SH3BP2: variants seen among roughly 807,000 people sequenced by gnomAD.
SH3BP2 encodes the protein SH3 domain binding protein 2.
SH3BP2 carries 38 observed loss-of-function variants against 56.2 expected under a neutral mutation model. The observed-to-expected ratio is 0.68, with a 90% CI of 0.52 to 0.89. SH3BP2 has a LOEUF of 0.89. SH3BP2 is among the 40% of genes least tolerant of loss of function. The probability of loss-of-function intolerance (pLI) is 0.00; values close to 1 mark genes in which losing one functional copy is unlikely to be tolerated. For missense variants in SH3BP2, 748 were observed against 762.6 expected (o/e 0.98, Z 0.23); for synonymous variants, 346 against 316.7 (o/e 1.09, Z -0.98).
chr4:2,818,426 C>G, intron 1 of SH3BP2: 2 of 1,124,244 alleles, frequency 1.8e-6, no homozygotes, highest in Non-Finnish European at 1.1e-6. Flanking sequence ...GCCCCGGGAC[C>G]CGGGCCGCGA....
chr4:2,825,511 C>A (rs1401561449), intron 5 of SH3BP2, among the ~76,000 whole-genome samples: 1 of 151,600 alleles, frequency 6.6e-6, no homozygotes, highest in Non-Finnish European at 1.5e-5. Context: ...GACATGCACA[C>A]ACACACAGCA....
At chr4:2,827,181 C>T in intron 5 of SH3BP2, 49 bp from the exon 6 acceptor site, 2 of 1,510,496 alleles carry the variant, frequency 1.3e-6, no homozygotes, top group Non-Finnish European at 1.8e-6. Flanking sequence ...ATCAAGGGAC[C>T]TCCCAGGCCT....
At chr4:2,822,216 T>C (rs1439377520) in intron 2 of SH3BP2, among the ~76,000 whole-genome samples, 2 of 148,732 alleles carry the variant, frequency 1.3e-5, no homozygotes, top group Non-Finnish European at 3.0e-5. Flanking sequence ...GTGCAGTGGG[T>C]GCGAACACAG....
intron 1 of SH3BP2, among the ~76,000 whole-genome samples, chr4:2,796,857 C>T (rs934902864): frequency 6.6e-6 from 1 of 152,200 alleles, no homozygotes; most frequent in African/African-American, 2.4e-5. Flanking sequence ...GGGCTGAGGC[C>T]GCGAGGCAGG....
At chr4:2,830,730 AC>A (rs1460084681) in intron 8 of SH3BP2, among the ~76,000 whole-genome samples, 1 of 152,226 alleles carries the variant, frequency 6.6e-6, no homozygotes, top group Non-Finnish European at 1.5e-5. Context: ...CCACAGAGTT[AC>A]GCCAATGGCT....
intron 1 of SH3BP2, chr4:2,798,890 G>A (rs1408933474): frequency 2.5e-6 from 2 of 804,466 alleles, no homozygotes; most frequent in Admixed American, 6.2e-5. Context: ...CTCTGGGCAG[G>A]GCAGGGACAG....
chr4:2,830,871 C>A (rs1724947864), intron 8 of SH3BP2, among the ~76,000 whole-genome samples: 1 of 152,218 alleles, frequency 6.6e-6, no homozygotes, highest in Admixed American at 6.5e-5. Context: ...TGCCCTTGCC[C>A]ACGGTGCCCT....
chr4:2,802,550 A>G (rs868719533), intron 1 of SH3BP2, among the ~76,000 whole-genome samples: 7 of 142,052 alleles, frequency 4.9e-5, no homozygotes, highest in Non-Finnish European at 9.0e-5. Context: ...GTGTGTATAT[A>G]TATGTGTATA....
Position 2,824,824 on chromosome 4 carries a change from G to GGC in SH3BP2, c.357+97_357+98dup. On this transcript the variant is annotated intron_variant, in intron 4 of 12. Transcript: ENST00000503393. ...TGCCTTGGGGGCTCGCTGGTCCTGG[G>GGC]GCGCTGGCCTCTCAGCCCCGGGCAA... 3 of 979,034 alleles carry GGC rather than the reference G, an allele frequency of 3.1e-6. No homozygotes were observed. In the South Asian group the frequency reaches 4.0e-5, roughly 13 times the overall value. The allele number at this position is 979,034 out of a possible 1,614,324, so 60.6% of individuals were successfully genotyped here.
Position 2,833,028 on chromosome 4 carries a change from G to T in SH3BP2, c.1527G>T (p.Arg509Ser). 6.2e-7 allele frequency: 1 copy of T among 1,614,216 alleles called. No individual in the cohort carries two copies. Among genetic ancestry groups the T allele is most frequent in the South Asian group, 1.1e-5 (1 of 91,090 alleles). ...GGGACGAAACCTCTAACAAAGTGAGGAACTATCGCATTTTTGAGAAGGTGA... is the reference window on the plus strand; with the variant it reads ...GGGACGAAACCTCTAACAAAGTGAGTAACTATCGCATTTTTGAGAAGGTGA... ...VVWDETSNKV[R>S]NYRIFEKDSK... Residue 509 changes from arginine (R) to serine (S), a missense_variant, in exon 12 of 13, where the codon AGG becomes AGT. By Grantham distance (110) the Arg-to-Ser change is moderately radical (BLOSUM62 -1). This residue lies in a region of SH3BP2 where 635 missense variants were observed against 615.0 expected (regional missense o/e 1.03). Transcript: ENST00000503393.
At chr4:2,828,748 G>A (rs1030271447) in intron 7 of SH3BP2, among the ~76,000 whole-genome samples, 2 of 152,218 alleles carry the variant, frequency 1.3e-5, no homozygotes, top group Admixed American at 1.3e-4. Context: ...TCCTCTCCCC[G>A]AGACATTTCT....
intron 1 of SH3BP2, chr4:2,799,225 C>T: frequency 1.0e-6 from 1 of 985,538 alleles, no homozygotes; most frequent in Non-Finnish European, 1.2e-6. Flanking sequence ...GGTGGAATCT[C>T]TGAAATGCCT....
chr4:2,833,488 G>T, intron 12 of SH3BP2: 1 of 658,828 alleles, frequency 1.5e-6, no homozygotes, highest in Non-Finnish European at 2.7e-6. Flanking sequence ...CAGGCTCCTG[G>T]ACATGGAGGA....
chr4:2,793,121 C>T lies in SH3BP2; in HGVS notation c.-22C>T, dbSNP rs911124543. On this transcript the variant is annotated 5_prime_UTR_variant, in exon 1 of 13. Coordinates refer to ENST00000503393, the MANE Select transcript of SH3BP2 (RefSeq NM_001122681.2). ...CCGCCTCGACCCAGGGCCCGCGGGCCAGGAGAGCGCTCGGCGGGTAAGCCT... is the reference window on the plus strand; with the variant it reads ...CCGCCTCGACCCAGGGCCCGCGGGCTAGGAGAGCGCTCGGCGGGTAAGCCT... 13 of 149,732 alleles carry T rather than the reference C, an allele frequency of 8.7e-5. No homozygotes were observed. The highest frequency in any genetic ancestry group is 3.2e-4 in the African/African-American group (13 of 40,714). 9.3% of individuals were successfully genotyped at this position (149,732 alleles called of 1,614,324 possible).
At chr4:2,833,568 G>A (rs915653734) in intron 12 of SH3BP2, 129 bp from the exon 13 acceptor site, 75 of 1,269,346 alleles carry the variant, frequency 5.9e-5, no homozygotes, top group South Asian at 1.7e-4. Context: ...GGGCACCACC[G>A]ACAGCCAGGG....
intron 1 of SH3BP2, among the ~76,000 whole-genome samples, chr4:2,802,544 G>GTATA (rs35988257): frequency 5.5e-5 from 7 of 128,024 alleles, no homozygotes; most frequent in African/African-American, 2.1e-4. Context: ...GTGTGTGTGT[G>GTATA]TATATATATG....
At chr4:2,830,657 C>G (rs1724936809) in intron 8 of SH3BP2, among the ~76,000 whole-genome samples, 1 of 152,242 alleles carries the variant, frequency 6.6e-6, no homozygotes, top group South Asian at 2.1e-4. Flanking sequence ...GCCACCGCGT[C>G]CTGCTGAAAT....
intron 1 of SH3BP2, among the ~76,000 whole-genome samples, chr4:2,816,290 C>G (rs1276167787): frequency 6.6e-6 from 1 of 152,230 alleles, no homozygotes; most frequent in Non-Finnish European, 1.5e-5. Context: ...ATCTGCCCGC[C>G]TCAGCCTCCC....
At chr4:2,811,126 A>G (rs1289057497) in intron 1 of SH3BP2, among the ~76,000 whole-genome samples, 1 of 151,418 alleles carries the variant, frequency 6.6e-6, no homozygotes, top group Non-Finnish European at 1.5e-5. Flanking sequence ...CCCGAGGGGG[A>G]CCTTGGCAGC....
Sources: allele counts gnomAD v4.1 joint callset (sites outside exome capture counted in the v4.1 genomes callset), GRCh38; gene constraint gnomAD v4.1.1; regional missense constraint gnomAD v4.1.1; transcripts MANE v1.5; gene names NCBI Gene and HGNC (gene_info 2026-07-23, HGNC 2026-07-21).